The following ODAD3 variants were observed in gnomAD, a reference collection of about 807,000 sequenced individuals.
ODAD3 encodes outer dynein arm docking complex subunit 3.
In ODAD3, 57 loss-of-function variants were observed where a neutral mutation model predicts 70.9. That is an observed-to-expected ratio of 0.80 (90% CI 0.65 to 1.00). The LOEUF (loss-of-function observed/expected upper bound fraction) is 1.00, where lower values mean the gene tolerates loss of function less well. Among genes scored for constraint, ODAD3 ranks in the 50% least tolerant of loss-of-function variants. The pLI, the probability that ODAD3 is intolerant of heterozygous loss-of-function variation, is 0.00. For missense variants in ODAD3, 797 were observed against 763.9 expected (o/e 1.04, Z -0.51); for synonymous variants, 327 against 315.9 (o/e 1.04, Z -0.37).
chr19:11,421,171 G>A lies in ODAD3; in HGVS notation c.1632C>T (p.Thr544=), dbSNP rs906455140. 1.9e-6 allele frequency: 3 copies of A among 1,613,662 alleles called. No homozygotes were observed. The highest frequency in any genetic ancestry group is 2.5e-6 in the Non-Finnish European group (3 of 1,179,944). Residue 544 remains threonine (T), a synonymous_variant, in exon 12 of 13, where the codon ACC becomes ACT. Coordinates refer to ENST00000356392, the MANE Select transcript of ODAD3 (RefSeq NM_145045.5). ...SLEGRLPEYN[T]RIALPLATSK... ...AAGTGGCAAGGGGCAGGGCGATGCGGGTGTTGTATTCGGGCAGCCTTCCCT... is the reference window on the plus strand; with the variant it reads ...AAGTGGCAAGGGGCAGGGCGATGCGAGTGTTGTATTCGGGCAGCCTTCCCT...
chr19:11,435,532 G>C (rs1969666765), upstream of ODAD3: 2 of 501,096 alleles, frequency 4.0e-6, no homozygotes, highest in South Asian at 1.7e-5. Context: ...CTCGGCTCTG[G>C]CACCGCCCCC....
At chr19:11,432,839 G>T (rs144842583) in intron 1 of ODAD3, among the ~76,000 whole-genome samples, 106 of 151,608 alleles carry the variant, frequency 7.0e-4, no homozygotes, top group Admixed American at 2.0e-3. Context: ...TGTCACCCAG[G>T]CTGGAGTGCA....
intron 3 of ODAD3, 142 bp downstream of exon 3, chr19:11,430,557 A>G: frequency 1.3e-6 from 1 of 795,912 alleles, no homozygotes. Flanking sequence ...ATACAAGGAA[A>G]GTGAGTAATA....
rs1289068826 is a variant in ODAD3 at position 11,422,700 on chromosome 19, C to T, written c.1277+1G>A. 6.2e-7 allele frequency: 1 copy of T among 1,612,286 alleles called. No individual in the cohort carries two copies. Among genetic ancestry groups the T allele is most frequent in the Non-Finnish European group, 8.5e-7 (1 of 1,179,760 alleles). On this transcript the variant is annotated splice_donor_variant, in intron 9 of 12. Transcript: ENST00000356392. LOFTEE classifies it high-confidence loss of function. The surrounding 1 kb of genome is among the most constrained non-coding windows in gnomAD (Gnocchi z 4.6). ...CCCTCCCCAGAGCCCCGGTGCCTCA[C>T]CTCACCAGCGTGGCCTCCCCCGAGT...
At position 11,421,218 on chromosome 19, in the gene ODAD3, C is replaced by T. The variant is rs1230500339; in HGVS notation, c.1591-6G>A. 6.2e-6 allele frequency: 10 copies of T among 1,611,158 alleles called. No homozygotes were observed. The highest frequency in any genetic ancestry group is 8.5e-6 in the Non-Finnish European group (10 of 1,178,914). ...CCCTCTAAGCTGGCGAGGAACTAAGCGGGGATGGGAAGCGAGAGAGGAAGG... is the reference window on the plus strand; with the variant it reads ...CCCTCTAAGCTGGCGAGGAACTAAGTGGGGATGGGAAGCGAGAGAGGAAGG... On this transcript the variant is annotated splice_region_variant and splice_polypyrimidine_tract_variant and intron_variant, in intron 11 of 12. Coordinates refer to ENST00000356392, the MANE Select transcript of ODAD3 (RefSeq NM_145045.5).
At position 11,425,101 on chromosome 19, in the gene ODAD3, A is replaced by G. The variant is rs181165139; in HGVS notation, c.963+1043T>C. Reference sequence around the variant, plus strand: ...TGTGTATATGTACATATGTGTATATATGTATATATGTGTATATGTACATAT... The same window carrying G: ...TGTGTATATGTACATATGTGTATATGTGTATATATGTGTATATGTACATAT... On this transcript the variant is annotated intron_variant, in intron 7 of 12. Coordinates refer to ENST00000356392, the MANE Select transcript of ODAD3 (RefSeq NM_145045.5). Among the ~76,000 whole-genome samples, 301 of 133,268 alleles carry G rather than the reference A, an allele frequency of 2.3e-3. 15 individuals carry two copies. Among genetic ancestry groups the G allele is most frequent in the Non-Finnish European group, 3.2e-3 (211 of 65,322 alleles). The allele number at this position is 133,268 out of a possible 152,430, so 87.4% of individuals were successfully genotyped here.
rs1568354063 is a variant in ODAD3 at position 11,430,968 on chromosome 19, GTTC to G, written c.294_296del (p.Lys98del). ...TGCGGAGCTGACTGATGGTCTCCTG[GTTC>G]TTCTTGATGTTCCACTGAGAGCTCT... On this transcript the variant is annotated inframe_deletion, in exon 2 of 13. Coordinates refer to ENST00000356392, the MANE Select transcript of ODAD3 (RefSeq NM_145045.5). 2 of 1,614,040 alleles carry G rather than the reference GTTC, an allele frequency of 1.2e-6. No homozygotes were observed. Among genetic ancestry groups the G allele is most frequent in the Non-Finnish European group, 1.7e-6 (2 of 1,180,034 alleles).
Position 11,426,871 on chromosome 19 carries a change from A to G in ODAD3, c.612+2T>C. The G allele has an allele frequency of 2.5e-6, 4 of 1,609,424 alleles. No homozygotes were observed. The South Asian group carries it at 4.4e-5, about 18-fold the overall frequency. On this transcript the variant is annotated splice_donor_variant, in intron 4 of 12. Transcript: ENST00000356392. LOFTEE classifies it high-confidence loss of function. ...TGCCCTGCAGGCCTCACCCGCCCCTACCTTGGCCACCTCCGTGTGTCTGTT... is the reference window on the plus strand; with the variant it reads ...TGCCCTGCAGGCCTCACCCGCCCCTGCCTTGGCCACCTCCGTGTGTCTGTT...
intron 7 of ODAD3, among the ~76,000 whole-genome samples, chr19:11,424,410 G>C (rs903932748): frequency 6.6e-6 from 1 of 151,590 alleles, no homozygotes; most frequent in African/African-American, 2.4e-5. Context: ...GCTGAGGTGA[G>C]AGGATCACTT....
At chr19:11,431,468 A>G (rs1969502499) in intron 1 of ODAD3, among the ~76,000 whole-genome samples, 1 of 151,704 alleles carries the variant, frequency 6.6e-6, no homozygotes, top group African/African-American at 2.4e-5. Flanking sequence ...ACATGGTAAA[A>G]CCGCATCTCT....
rs779312829 is a variant in ODAD3, at chr19:11,421,798, G to C, written c.1469C>G (p.Pro490Arg). 6.2e-7 allele frequency: 1 copy of C among 1,613,242 alleles called. No homozygotes were observed. Among genetic ancestry groups the C allele is most frequent in the East Asian group, 2.2e-5 (1 of 44,882 alleles). The change falls in exon 11 of 13, where the codon CCC (proline) becomes CGC (arginine). Residue 490 changes from proline to arginine, a missense_variant. Coordinates refer to ENST00000356392, the MANE Select transcript of ODAD3 (RefSeq NM_145045.5). ...GTTTGGCACATAGTTATCTGCCTGG[G>C]GATCCAGCTCCTTTCCCGCGAAGCG... ...DGRFAGKELD[P>R]QADNYVPNLL...
chr19:11,425,167 GTATATGTACA>G, intron 7 of ODAD3, among the ~76,000 whole-genome samples: 1 of 137,836 alleles, frequency 7.3e-6, no homozygotes, highest in East Asian at 2.3e-4. Context: ...ATACATATGT[GTATATGTACA>G]TATGTGTATA....
At chr19:11,425,016 TATATAC>T (rs1472965352) in intron 7 of ODAD3, among the ~76,000 whole-genome samples, 3 of 132,518 alleles carry the variant, frequency 2.3e-5, no homozygotes, top group Middle Eastern at 0.012. Context: ...TATATGTGTA[TATATAC>T]ATATGTGCAT....
At position 11,432,317 on chromosome 19, in the gene ODAD3, C is replaced by T. The variant is rs1490785203; in HGVS notation, c.245-1297G>A. Among the ~76,000 whole-genome samples the T allele has an allele frequency of 2.0e-5, 3 of 152,128 alleles. No individual in the cohort carries two copies. In the East Asian group the frequency reaches 5.8e-4, roughly 29 times the overall value. On this transcript the variant is annotated intron_variant, in intron 1 of 12. Coordinates refer to ENST00000356392, the MANE Select transcript of ODAD3 (RefSeq NM_145045.5). Reference sequence around the variant, plus strand: ...AGAATGAAGTGCAGTGGTGCTATCACTGCTCACTGAAGCCTCAACCTCCTG... The same window carrying T: ...AGAATGAAGTGCAGTGGTGCTATCATTGCTCACTGAAGCCTCAACCTCCTG...
At position 11,425,316 on chromosome 19, in the gene ODAD3, T is replaced by C. The variant is rs1451690371; in HGVS notation, c.963+828A>G. Reference sequence around the variant, plus strand: ...GTGTATATATGTGTATGTGTACATATGTGTATATGTACATATGTGTATATA... The same window carrying C: ...GTGTATATATGTGTATGTGTACATACGTGTATATGTACATATGTGTATATA... On this transcript the variant is annotated intron_variant, in intron 7 of 12. Transcript: ENST00000356392. 3.6e-5 allele frequency among the ~76,000 whole-genome samples: 5 copies of C among 140,724 alleles called. 1 individual carries two copies. The highest frequency in any genetic ancestry group is 7.0e-5 in the Admixed American group (1 of 14,240). 92.3% of individuals were successfully genotyped at this position (140,724 alleles called of 152,430 possible). A position where few individuals can be genotyped will look rare whatever the true frequency, so the allele number is the denominator to read the frequency against.
At chr19:11,427,085 C>T in intron 3 of ODAD3, 45 bp from the exon 4 acceptor site, 5 of 1,504,238 alleles carry the variant, frequency 3.3e-6, no homozygotes, top group Non-Finnish European at 4.4e-6. Flanking sequence ...AACACCCTAC[C>T]CCGACACACA....
intron 1 of ODAD3, 177 bp downstream of exon 1, chr19:11,434,596 G>A (rs1969609869): frequency 2.7e-6 from 2 of 736,476 alleles, no homozygotes; most frequent in Non-Finnish European, 4.5e-6. Flanking sequence ...AGTTCAGTCG[G>A]TTCTGAACCC....
chr19:11,424,567 A>C (rs11883358), intron 7 of ODAD3, among the ~76,000 whole-genome samples: 2 of 139,384 alleles, frequency 1.4e-5, no homozygotes, highest in African/African-American at 6.0e-5. Context: ...GTATATATGT[A>C]TATATGTGTA....
At chr19:11,425,519 GTA>G (rs1969334151) in intron 7 of ODAD3, among the ~76,000 whole-genome samples, 4 of 142,386 alleles carry the variant, frequency 2.8e-5, no homozygotes, top group African/African-American at 8.1e-5. Context: ...GTGTATATAT[GTA>G]TATATGTATA....
Sources: allele counts gnomAD v4.1 joint callset (sites outside exome capture counted in the v4.1 genomes callset), GRCh38; gene constraint gnomAD v4.1.1; non-coding constraint Gnocchi (gnomAD v3.1); transcripts MANE v1.5; gene names NCBI Gene and HGNC (gene_info 2026-07-23, HGNC 2026-07-21).